NRP1: variants seen among roughly 807,000 people sequenced by gnomAD.
NRP1 encodes neuropilin-1.
In NRP1, 35 loss-of-function variants were observed where a neutral mutation model predicts 106.7. The observed-to-expected ratio is 0.33, with a 90% CI of 0.25 to 0.43. The LOEUF (loss-of-function observed/expected upper bound fraction) is 0.43, where lower values mean the gene tolerates loss of function less well. NRP1 is among the 20% of genes least tolerant of loss of function. The pLI is 1.00. For synonymous variants in NRP1, 437 were observed against 417.9 expected (o/e 1.05, Z -0.56); for missense variants, 1,024 against 1,170.4 (o/e 0.87, Z 1.83).
At chr10:33,310,207 C>G (rs549283750) in intron 2 of NRP1, among the ~76,000 whole-genome samples, 3 of 146,694 alleles carry the variant, frequency 2.0e-5, no homozygotes, top group African/African-American at 7.5e-5. Context: ...CCTCGGCCTC[C>G]GAAAGTGCTG....
At chr10:33,200,242 GT>G (rs1378448903) in intron 11 of NRP1, among the ~76,000 whole-genome samples, 1 of 152,206 alleles carries the variant, frequency 6.6e-6, no homozygotes, top group East Asian at 1.9e-4. Flanking sequence ...AAATTCCACG[GT>G]TGGGTACACA....
Position 33,327,109 on chromosome 10 carries a change from G to T in NRP1, c.248+3599C>A, listed in dbSNP as rs2804497. Among the ~76,000 whole-genome samples, 1,500 of 151,906 alleles carry T rather than the reference G, an allele frequency of 9.9e-3. 9 individuals carry two copies. The highest frequency in any genetic ancestry group is 0.014 in the Non-Finnish European group (984 of 67,994). On this transcript the variant is annotated intron_variant, in intron 2 of 16. Transcript: ENST00000374867. ...GGCATCGATTTCTTAAGCTTTCTCA[G>T]GGTGGAAGTTGACTATACAAATACT... is the stretch of plus-strand genomic sequence containing the variant.
chr10:33,246,854 T>C (rs182918800), intron 6 of NRP1, among the ~76,000 whole-genome samples: 9 of 152,300 alleles, frequency 5.9e-5, no homozygotes, highest in African/African-American at 2.2e-4. Context: ...ACAATCAGGA[T>C]AACCTGGTCC....
At chr10:33,251,841 C>G (rs1841880636) in intron 6 of NRP1, among the ~76,000 whole-genome samples, 2 of 152,106 alleles carry the variant, frequency 1.3e-5, no homozygotes, top group African/African-American at 4.8e-5. Flanking sequence ...GACTACATTA[C>G]TGATACGGGA....
chr10:33,256,878 C>T (rs910473610), intron 4 of NRP1, among the ~76,000 whole-genome samples: 6 of 152,188 alleles, frequency 3.9e-5, no homozygotes, highest in Non-Finnish European at 5.9e-5. Flanking sequence ...TACCCGTCCT[C>T]GCCTCTCTTG....
intron 2 of NRP1, among the ~76,000 whole-genome samples, chr10:33,317,860 G>A (rs189089940): frequency 3.0e-3 from 464 of 152,290 alleles, no homozygotes; most frequent in Non-Finnish European, 5.1e-3. Context: ...AATTCTTATT[G>A]GCTGAATGCA....
At position 33,300,575 on chromosome 10, in the gene NRP1, C is replaced by T. The variant is rs781323974; in HGVS notation, c.249-29719G>A. ...TGGGAAAGGAAAATAAATCTTGGGG[C>T]GCCCAAATCACTAAGCTAAAGGGAA... On this transcript the variant is annotated intron_variant, in intron 2 of 16. Coordinates refer to ENST00000374867, the MANE Select transcript of NRP1 (RefSeq NM_003873.7). Among the ~76,000 whole-genome samples the T allele has an allele frequency of 3.7e-4, 57 of 152,114 alleles. 2 individuals are homozygous for T. Among genetic ancestry groups the T allele is most frequent in the Non-Finnish European group, 2.4e-4 (16 of 68,026 alleles).
intron 9 of NRP1, chr10:33,212,231 A>G (rs1206604298): frequency 6.6e-6 from 1 of 152,264 alleles, no homozygotes; most frequent in Admixed American, 6.5e-5. Flanking sequence ...GCATAAAGAA[A>G]TATACTTAAG....
At chr10:33,272,325 T>G (rs576087059) in intron 2 of NRP1, among the ~76,000 whole-genome samples, 1 of 152,210 alleles carries the variant, frequency 6.6e-6, no homozygotes, top group Non-Finnish European at 1.5e-5. Context: ...ATGTGAATTA[T>G]TGTATTAACT....
chr10:33,328,684 G>C (rs2132951244), intron 2 of NRP1, among the ~76,000 whole-genome samples: 1 of 152,246 alleles, frequency 6.6e-6, no homozygotes, highest in South Asian at 2.1e-4. Context: ...TTGCTAGTCT[G>C]GGCACAGTGA....
At chr10:33,237,462 C>A (rs1173180987) in intron 6 of NRP1, among the ~76,000 whole-genome samples, 1 of 146,970 alleles carries the variant, frequency 6.8e-6, no homozygotes, top group African/African-American at 2.6e-5. Flanking sequence ...GATGAACTAA[C>A]GGCAGAAGAA....
chr10:33,319,626 G>A (rs1381030326), intron 2 of NRP1, among the ~76,000 whole-genome samples: 1 of 119,016 alleles, frequency 8.4e-6, no homozygotes, highest in Non-Finnish European at 1.6e-5. Context: ...TCCTTCTGTT[G>A]CCCAGGCTGG....
chr10:33,217,211 C>CT (rs1239028446), intron 8 of NRP1, among the ~76,000 whole-genome samples: 1 of 152,086 alleles, frequency 6.6e-6, no homozygotes, highest in East Asian at 1.9e-4. Flanking sequence ...AACTTGAATA[C>CT]TGTAAGGAGA....
chr10:33,253,920 A>G, intron 6 of NRP1, 108 bp downstream of exon 6: 6 of 941,930 alleles, frequency 6.4e-6, no homozygotes, highest in Non-Finnish European at 9.5e-6. Context: ...CCGTGAACCT[A>G]TCTTCTCATT....
chr10:33,331,843 T>C (rs747244765), intron 1 of NRP1, among the ~76,000 whole-genome samples: 1 of 152,232 alleles, frequency 6.6e-6, no homozygotes, highest in Non-Finnish European at 1.5e-5. Flanking sequence ...GCCACATTTA[T>C]TGATGCTTAA....
At chr10:33,319,266 A>G (rs1392054585) in intron 2 of NRP1, among the ~76,000 whole-genome samples, 1 of 151,894 alleles carries the variant, frequency 6.6e-6, no homozygotes, top group African/African-American at 2.4e-5. Context: ...TCAGCCTCCC[A>G]AAGTGCTGGG....
Position 33,325,278 on chromosome 10 carries a change from T to A in NRP1, c.248+5430A>T, listed in dbSNP as rs570482686. On this transcript the variant is annotated intron_variant, in intron 2 of 16. Coordinates refer to ENST00000374867, the MANE Select transcript of NRP1 (RefSeq NM_003873.7). The stretch of plus-strand genomic sequence containing the variant: ...CCATAAAACAAGGATTTTGTTTTAG[T>A]CTAAGTGATGCTCTAAAATACAAGA... Among the ~76,000 whole-genome samples the A allele has an allele frequency of 2.0e-5, 3 of 152,340 alleles. No individual in the cohort carries two copies. The South Asian group carries it at 6.2e-4, about 32-fold the overall frequency.
intron 7 of NRP1, among the ~76,000 whole-genome samples, chr10:33,224,548 CTTT>C (rs34104704): frequency 7.0e-6 from 1 of 143,154 alleles, no homozygotes; most frequent in South Asian, 2.2e-4. Flanking sequence ...CCATTTTGTT[CTTT>C]TTTTTTTTTT....
intron 2 of NRP1, among the ~76,000 whole-genome samples, chr10:33,319,293 AC>A (rs1410503071): frequency 1.3e-5 from 2 of 152,012 alleles, no homozygotes; most frequent in South Asian, 4.2e-4. Context: ...GGTGTGAGTC[AC>A]CGCGCCCAGA....
Sources: allele counts gnomAD v4.1 joint callset (sites outside exome capture counted in the v4.1 genomes callset), GRCh38; gene constraint gnomAD v4.1.1; transcripts MANE v1.5; gene names NCBI Gene and HGNC (gene_info 2026-07-23, HGNC 2026-07-21).